SLC22A24: variants seen among roughly 807,000 people sequenced by gnomAD.
SLC22A24 encodes solute carrier family 22 member 24, also known as steroid transmembrane transporter SLC22A24.
Under a neutral mutation model 49.8 loss-of-function variants are expected in SLC22A24, and 53 were observed. That is an observed-to-expected ratio of 1.06 (90% CI 0.85 to 1.34). The LOEUF is 1.34. Among genes scored for constraint, SLC22A24 ranks in the 40% most tolerant of loss-of-function variants. SLC22A24 has a pLI of 0.00. For synonymous variants in SLC22A24, 302 were observed against 256.4 expected, an observed-to-expected ratio of 1.18 and a Z score of -1.70; for missense variants, 786 against 675.9, an observed-to-expected ratio of 1.16 and a Z score of -1.81.
intron 5 of SLC22A24, among the ~76,000 whole-genome samples, chr11:63,103,522 G>A (rs1008608434): frequency 5.9e-5 from 9 of 152,060 alleles, no homozygotes; most frequent in Non-Finnish European, 7.3e-5. Context: ...TAGGCAATAA[G>A]CATTTTTAAA....
intron 4 of SLC22A24, among the ~76,000 whole-genome samples, chr11:63,114,062 A>G (rs954065786): frequency 2.0e-5 from 3 of 151,822 alleles, no homozygotes; most frequent in Non-Finnish European, 4.4e-5. Context: ...CTTCTTGAGG[A>G]GTATCTTTGT....
chr11:63,100,773 G>C (rs950217640), intron 5 of SLC22A24, among the ~76,000 whole-genome samples: 16 of 152,110 alleles, frequency 1.1e-4, no homozygotes, highest in African/African-American at 3.9e-4. Context: ...ACTGATTTTT[G>C]ACAAAGGTAC....
chr11:63,112,360 T>G (rs1180579536), intron 4 of SLC22A24, among the ~76,000 whole-genome samples: 2 of 152,214 alleles, frequency 1.3e-5, no homozygotes, highest in African/African-American at 4.8e-5. Context: ...TAGATGTCTA[T>G]TAGGTCCGGT....
At chr11:63,099,896 A>G (rs1331371192) in intron 5 of SLC22A24, among the ~76,000 whole-genome samples, 1 of 152,128 alleles carries the variant, frequency 6.6e-6, no homozygotes, top group Non-Finnish European at 1.5e-5. Flanking sequence ...TAAAAACTCA[A>G]AAAAATCTCA....
At position 63,109,480 on chromosome 11, in the gene SLC22A24, C is replaced by A. The variant is rs865906862; in HGVS notation, c.831-5182G>T. Among the ~76,000 whole-genome samples, 636 of 143,002 alleles carry A rather than the reference C, an allele frequency of 4.4e-3. 5 individuals carry two copies. The highest frequency in any genetic ancestry group is 0.021 in the Middle Eastern group (6 of 280). 93.8% of individuals were successfully genotyped at this position (143,002 alleles called of 152,430 possible). A position where few individuals can be genotyped will look rare whatever the true frequency, so the allele number is the denominator to read the frequency against. ...TCCCACCAACAGTGTAAAAGTGTTC[C>A]TATTTCTCCACATCCTCTCCAGCAC... On this transcript the variant is annotated intron_variant, in intron 4 of 9. Transcript: ENST00000612278.
chr11:63,108,850 TTTA>T (rs1376284183), intron 4 of SLC22A24, among the ~76,000 whole-genome samples: 2 of 151,898 alleles, frequency 1.3e-5, no homozygotes, highest in Admixed American at 6.6e-5. Context: ...TTTCTTTTTT[TTTA>T]TTATTATTAT....
At chr11:63,086,224 G>T (rs989566030) in intron 6 of SLC22A24, among the ~76,000 whole-genome samples, 9 of 152,140 alleles carry the variant, frequency 5.9e-5, no homozygotes, top group Admixed American at 2.0e-4. Flanking sequence ...CTACTATAAA[G>T]ATGCATGTAT....
At chr11:63,124,640 C>T (rs1010694958) in intron 2 of SLC22A24, among the ~76,000 whole-genome samples, 5 of 152,148 alleles carry the variant, frequency 3.3e-5, no homozygotes, top group Non-Finnish European at 7.3e-5. Context: ...CAACTGGTCT[C>T]CTGGCTGCCA....
intron 7 of SLC22A24, 29 bp from the exon 8 acceptor site, chr11:63,081,695 C>A: frequency 2.0e-6 from 3 of 1,474,082 alleles, no homozygotes; most frequent in Non-Finnish European, 2.8e-6. Context: ...ATCAGGAAAT[C>A]TTGCCTGAAG....
At chr11:63,121,103 A>T (rs1459959957) in intron 2 of SLC22A24, among the ~76,000 whole-genome samples, 2 of 152,164 alleles carry the variant, frequency 1.3e-5, no homozygotes, top group Non-Finnish European at 2.9e-5. Context: ...ATAACACTGT[A>T]CAACACAAAC....
intron 4 of SLC22A24, among the ~76,000 whole-genome samples, chr11:63,105,779 G>A (rs1264393116): frequency 6.6e-6 from 1 of 152,018 alleles, no homozygotes; most frequent in Non-Finnish European, 1.5e-5. Flanking sequence ...TTGGTGATTA[G>A]CCTTTGGCTC....
intron 2 of SLC22A24, among the ~76,000 whole-genome samples, chr11:63,124,801 T>TACA (rs1471582168): frequency 6.6e-6 from 1 of 152,066 alleles, no homozygotes; most frequent in Non-Finnish European, 1.5e-5. Flanking sequence ...ATGTCCTTTG[T>TACA]AGGGACATGA....
chr11:63,134,287 C>G (rs1310320862), intron 2 of SLC22A24, among the ~76,000 whole-genome samples: 1 of 152,136 alleles, frequency 6.6e-6, no homozygotes, highest in Non-Finnish European at 1.5e-5. Flanking sequence ...CGCTGTTTCA[C>G]AAATTTGCAC....
At chr11:63,128,111 A>T (rs1445245445) in intron 2 of SLC22A24, among the ~76,000 whole-genome samples, 2 of 151,976 alleles carry the variant, frequency 1.3e-5, no homozygotes, top group African/African-American at 2.4e-5. Flanking sequence ...GAATATTATT[A>T]ATCATTAGTT....
In SLC22A24 at chr11:63,081,652, G is replaced by A. The variant is rs1006555162; in HGVS notation, c.1300C>T (p.Arg434Cys). ...TFLPQEMQIL[R>C]VVLATLGIGS... ...ATTCCCAAAGTTGCTAAAACCACACGCAGGATCTGCATTTCTAGAGAGAAC... is the reference window on the plus strand; with the variant it reads ...ATTCCCAAAGTTGCTAAAACCACACACAGGATCTGCATTTCTAGAGAGAAC... Residue 434 changes from arginine (R) to cysteine (C), a missense_variant, in exon 8 of 10, where the codon CGT becomes TGT. Transcript: ENST00000612278. 6.5e-6 allele frequency: 10 copies of A among 1,549,910 alleles called. No individual in the cohort carries two copies. The highest frequency in any genetic ancestry group is 5.5e-5 in the African/African-American group (4 of 73,112).
rs755232708 is a variant in SLC22A24, at chr11:63,096,036, C to T, written c.1025G>A (p.Arg342His). 35 of 1,550,702 alleles carry T rather than the reference C, an allele frequency of 2.3e-5. No homozygotes were observed. Among genetic ancestry groups the T allele is most frequent in the South Asian group, 1.8e-4 (15 of 84,024 alleles). Residue 342 changes from arginine (R) to histidine (H), a missense_variant, in exon 6 of 10, where the codon CGT (arginine) becomes CAT (histidine). By Grantham distance (29) the Arg-to-His change is conservative. Transcript: ENST00000612278. Reference sequence around the variant, plus strand: ...GACTCTCATTCGCAATTTGGGTGCACGGAACAGGGAAAAAATGGATGTTTT... The same window carrying T: ...GACTCTCATTCGCAATTTGGGTGCATGGAACAGGGAAAAAATGGATGTTTT... Reference protein sequence around the residue: ...RIKTSIFSLFRAPKLRMRVFG... With the variant: ...RIKTSIFSLFHAPKLRMRVFG...
intron 2 of SLC22A24, among the ~76,000 whole-genome samples, chr11:63,127,980 C>T (rs543575861): frequency 3.1e-4 from 47 of 151,026 alleles, no homozygotes; most frequent in African/African-American, 9.2e-4. Context: ...TTAGTGTGGG[C>T]GGCAAGCCAC....
chr11:63,089,990 A>G (rs1455482148), intron 6 of SLC22A24, among the ~76,000 whole-genome samples: 3 of 145,806 alleles, frequency 2.1e-5, no homozygotes, highest in African/African-American at 7.6e-5. Flanking sequence ...CTGAGGCAGG[A>G]GAATGGCGTG....
At position 63,080,936 on chromosome 11, in the gene SLC22A24, G is replaced by T. The variant is rs1324869270; in HGVS notation, c.1582C>A (p.Gln528Lys). ...TRDLPLPNTI[Q>K]DVENDRKDSR... is the part of the protein sequence containing the mutation. Reference sequence around the variant, plus strand: ...TTTACTCACTCATTTTCCACATCCTGGATGGTGTTAGGAAGAGGTAGATCC... The same window carrying T: ...TTTACTCACTCATTTTCCACATCCTTGATGGTGTTAGGAAGAGGTAGATCC... The change falls in exon 9 of 10, where the codon CAG becomes AAG. Residue 528 changes from glutamine (Q) to lysine (K), a missense_variant. By Grantham distance (53) the Gln-to-Lys change is moderately conservative. Transcript: ENST00000612278. 2 of 1,551,858 alleles carry T rather than the reference G, an allele frequency of 1.3e-6. No individual in the cohort carries two copies. The highest frequency in any genetic ancestry group is 8.7e-7 in the Non-Finnish European group (1 of 1,147,204).
Sources: gnomAD v4.1 joint callset for allele counts (sites outside exome capture counted in the v4.1 genomes callset) on GRCh38, gnomAD v4.1.1 for gene constraint, MANE v1.5 for transcripts, NCBI Gene and HGNC (gene_info 2026-07-23, HGNC 2026-07-21) for gene names.